NCALD: variants seen among roughly 807,000 people sequenced by gnomAD.
NCALD encodes the protein neurocalcin delta.
A neutral mutation model predicts 18.6 loss-of-function variants in NCALD; 10 were observed. That is an observed-to-expected ratio of 0.54 (90% CI 0.33 to 0.91). The LOEUF is 0.91. NCALD is among the 40% of genes least tolerant of loss of function. The pLI is 0.03. For synonymous variants in NCALD, 88 were observed against 87.4 expected, an observed-to-expected ratio of 1.01 and a Z score of -0.04; for missense variants, 184 against 247.6, an observed-to-expected ratio of 0.74 and a Z score of 1.72.
At chr8:102,087,390 G>A (rs1713177842) in intron 1 of NCALD, among the ~76,000 whole-genome samples, 1 of 152,172 alleles carries the variant, frequency 6.6e-6, no homozygotes, top group Non-Finnish European at 1.5e-5. Context: ...GAAATAGACT[G>A]CAGCACTGAT....
At chr8:101,933,895 T>G (rs1311907627) in intron 2 of NCALD, among the ~76,000 whole-genome samples, 1 of 152,182 alleles carries the variant, frequency 6.6e-6, no homozygotes, top group Non-Finnish European at 1.5e-5. Context: ...TGGTTGAAGT[T>G]AACCCACAGA....
chr8:101,868,065 T>G (rs1201665985), intron 4 of NCALD, among the ~76,000 whole-genome samples: 1 of 152,202 alleles, frequency 6.6e-6, no homozygotes, highest in Non-Finnish European at 1.5e-5. Context: ...GGCACTGTAT[T>G]TCTACTGCCT....
intron 1 of NCALD, among the ~76,000 whole-genome samples, chr8:101,773,424 A>G (rs1213494864): frequency 2.0e-5 from 3 of 152,216 alleles, no homozygotes; most frequent in African/African-American, 7.2e-5. Flanking sequence ...AAATGCTGTA[A>G]GCCAGGCTAA....
At chr8:102,062,539 G>A (rs1823881953) in intron 1 of NCALD, among the ~76,000 whole-genome samples, 1 of 152,154 alleles carries the variant, frequency 6.6e-6, no homozygotes, top group African/African-American at 2.4e-5. Flanking sequence ...CCAGGGTGCG[G>A]CTACCTCATC....
At chr8:101,709,181 G>A (rs1290910066) in intron 2 of NCALD, among the ~76,000 whole-genome samples, 2 of 152,190 alleles carry the variant, frequency 1.3e-5, no homozygotes, top group African/African-American at 4.8e-5. Context: ...GGATTCCACT[G>A]GTTACTTTGG....
intron 3 of NCALD, among the ~76,000 whole-genome samples, chr8:101,905,768 A>G (rs1370643020): frequency 1.3e-5 from 2 of 152,176 alleles, no homozygotes; most frequent in East Asian, 1.9e-4. Flanking sequence ...TCTTTCTCCA[A>G]TTCTTTCCCT....
chr8:102,116,009 T>C (rs1825771423), intron 1 of NCALD, among the ~76,000 whole-genome samples: 1 of 152,116 alleles, frequency 6.6e-6, no homozygotes, highest in African/African-American at 2.4e-5. Flanking sequence ...GTTTATTTTG[T>C]TGTTTAAAGT....
intron 2 of NCALD, among the ~76,000 whole-genome samples, chr8:101,938,696 A>G (rs1818850429): frequency 6.6e-6 from 1 of 152,260 alleles, no homozygotes; most frequent in South Asian, 2.1e-4. Context: ...AGATGCAACA[A>G]ATAATTTCAT....
intron 1 of NCALD, among the ~76,000 whole-genome samples, chr8:102,037,854 A>G (rs960159400): frequency 6.6e-6 from 1 of 152,202 alleles, no homozygotes; most frequent in Non-Finnish European, 1.5e-5. Context: ...GCTTTCATGA[A>G]GAAAACAAAA....
At chr8:102,061,493 A>T (rs77375104) in intron 1 of NCALD, among the ~76,000 whole-genome samples, 3 of 151,978 alleles carry the variant, frequency 2.0e-5, no homozygotes, top group Non-Finnish European at 4.4e-5. Flanking sequence ...GGCCTAGACA[A>T]CTCCTTCAAG....
intron 2 of NCALD, among the ~76,000 whole-genome samples, chr8:101,948,684 C>A (rs1346555602): frequency 1.3e-5 from 2 of 152,088 alleles, no homozygotes; most frequent in African/African-American, 4.8e-5. Flanking sequence ...GGAAGAAGAG[C>A]CTAGAAAGGA....
intron 1 of NCALD, among the ~76,000 whole-genome samples, chr8:102,099,601 G>A (rs1203381823): frequency 1.3e-5 from 2 of 150,734 alleles, no homozygotes; most frequent in Non-Finnish European, 1.5e-5. Flanking sequence ...GTCAGATAAT[G>A]ACATTTAGGT....
chr8:102,083,030 T>C (rs1042374360), intron 1 of NCALD, among the ~76,000 whole-genome samples: 32 of 152,238 alleles, frequency 2.1e-4, no homozygotes, highest in African/African-American at 7.5e-4. Context: ...AGTCAATTTG[T>C]TTCACTCCTT....
intron 1 of NCALD, among the ~76,000 whole-genome samples, chr8:102,102,533 G>T (rs1440741691): frequency 6.6e-6 from 1 of 152,178 alleles, no homozygotes; most frequent in Admixed American, 6.5e-5. Flanking sequence ...TGAGGTATCT[G>T]AGGCTCAGTT....
intron 4 of NCALD, among the ~76,000 whole-genome samples, chr8:101,828,041 A>G (rs1021466643): frequency 6.6e-6 from 1 of 152,222 alleles, no homozygotes; most frequent in Non-Finnish European, 1.5e-5. Flanking sequence ...TAACATAGCA[A>G]TTGAGCATGC....
At chr8:101,706,306 G>T (rs1757940620) in intron 2 of NCALD, among the ~76,000 whole-genome samples, 1 of 150,240 alleles carries the variant, frequency 6.7e-6, no homozygotes, top group African/African-American at 2.5e-5. Flanking sequence ...AGGATAGATA[G>T]TAAGACTATT....
At chr8:101,711,145 G>T (rs934280827) in intron 2 of NCALD, among the ~76,000 whole-genome samples, 1 of 152,138 alleles carries the variant, frequency 6.6e-6, no homozygotes, top group Non-Finnish European at 1.5e-5. Flanking sequence ...AGAACCCCCA[G>T]CAAACTCCAG....
At chr8:102,109,715 T>A (rs1299565970) in intron 1 of NCALD, among the ~76,000 whole-genome samples, 1 of 152,202 alleles carries the variant, frequency 6.6e-6, no homozygotes, top group Non-Finnish European at 1.5e-5. Flanking sequence ...CAGAATAATA[T>A]GTATACTATG....
chr8:102,019,994 T>C (rs1395916643), intron 2 of NCALD, among the ~76,000 whole-genome samples: 1 of 152,150 alleles, frequency 6.6e-6, no homozygotes, highest in East Asian at 1.9e-4. Context: ...ATTTGCCTAG[T>C]GTTGGATATT....
Sources: allele counts gnomAD v4.1 joint callset (sites outside exome capture counted in the v4.1 genomes callset), GRCh38; gene constraint gnomAD v4.1.1; transcripts MANE v1.5; gene names NCBI Gene and HGNC (gene_info 2026-07-23, HGNC 2026-07-21).